The following ZNF662 variants were observed in gnomAD, a reference collection of about 807,000 sequenced individuals.
ZNF662 encodes zinc finger protein 662.
A neutral mutation model predicts 12.4 loss-of-function variants in ZNF662; 14 were observed. That is an observed-to-expected ratio of 1.13 (90% CI 0.75 to 1.77). The LOEUF (loss-of-function observed/expected upper bound fraction) is 1.77, where lower values mean the gene tolerates loss of function less well. Among genes scored for constraint, ZNF662 ranks in the 40% most tolerant of loss-of-function variants. The pLI is 0.00. For synonymous variants in ZNF662, 184 were observed against 176.4 expected, an observed-to-expected ratio of 1.04 and a Z score of -0.34; for missense variants, 550 against 515.6, an observed-to-expected ratio of 1.07 and a Z score of -0.65.
chr3:42,908,599 G>A lies in ZNF662; in HGVS notation c.35-194G>A, dbSNP rs577577711. Reference sequence around the variant, plus strand: ...TGCTGACTCAAACAGTTACTGAGTCGTCTGTCAACTTCCTGACCTTTGTAA... The same window carrying A: ...TGCTGACTCAAACAGTTACTGAGTCATCTGTCAACTTCCTGACCTTTGTAA... On this transcript the variant is annotated intron_variant, in intron 2 of 4. Coordinates refer to ENST00000440367, the MANE Select transcript of ZNF662 (RefSeq NM_207404.4). 6.1e-5 allele frequency: 87 copies of A among 1,426,446 alleles called. No individual in the cohort carries two copies. The South Asian group carries it at 8.1e-4, about 13-fold the overall frequency. 88.4% of individuals were successfully genotyped at this position (1,426,446 alleles called of 1,614,324 possible).
intron 3 of ZNF662, among the ~76,000 whole-genome samples, chr3:42,911,089 C>A (rs1475213942): frequency 3.9e-5 from 6 of 152,152 alleles, no homozygotes; most frequent in Admixed American, 2.6e-4. Flanking sequence ...CCTGGCAGGC[C>A]TTCCTTAGGC....
Position 42,917,958 on chromosome 3 carries a change from TAGCC to T in ZNF662, c.*2607_*2610del, listed in dbSNP as rs1427114345. On this transcript the variant is annotated 3_prime_UTR_variant, in exon 5 of 5. Transcript: ENST00000440367. ...CCCGTCTCTACTAAAAATACAAAATTAGCCAGGTGTGGTGGCACATGCCAGTAAT... is the reference window on the plus strand; with the variant it reads ...CCCGTCTCTACTAAAAATACAAAATTAGGTGTGGTGGCACATGCCAGTAAT... 6.6e-5 allele frequency among the ~76,000 whole-genome samples: 10 copies of T among 152,266 alleles called. No homozygotes were observed. Among genetic ancestry groups the T allele is most frequent in the Non-Finnish European group, 1.2e-4 (8 of 68,008 alleles).
rs150274385 is a variant in ZNF662 at position 42,913,763 on chromosome 3, G to A, written c.253+461G>A. Among the ~76,000 whole-genome samples, 69 of 152,274 alleles carry A rather than the reference G, an allele frequency of 4.5e-4. No individual in the cohort carries two copies. The East Asian group carries it at 7.9e-3, about 17-fold the overall frequency. On this transcript the variant is annotated intron_variant, in intron 4 of 4. Transcript: ENST00000440367. The stretch of plus-strand genomic sequence containing the variant: ...GAATAAGACACTATGAGAACAAAGA[G>A]GAGGGAGTCTTTTCCGAGTTCTGCC...
Position 42,919,012 on chromosome 3 carries a change from C to T in ZNF662, c.*3658C>T, listed in dbSNP as rs2088923291. Among the ~76,000 whole-genome samples, 1 of 152,148 alleles carries T rather than the reference C, an allele frequency of 6.6e-6. No homozygotes were observed. Among genetic ancestry groups the T allele is most frequent in the South Asian group, 2.1e-4 (1 of 4,832 alleles). On this transcript the variant is annotated 3_prime_UTR_variant, in exon 5 of 5. Coordinates refer to ENST00000440367, the MANE Select transcript of ZNF662 (RefSeq NM_207404.4). ...GGTCTTATTTTCCCAAAAAAGAAAC[C>T]TCCAGGTTATGGGCACCTTATTTAG...
At chr3:42,908,373 C>T in intron 2 of ZNF662, 1 of 1,340,954 alleles carries the variant, frequency 7.5e-7, no homozygotes, top group Non-Finnish European at 9.6e-7. Flanking sequence ...TGCCAAACCC[C>T]TACCCTTGTG....
intron 3 of ZNF662, among the ~76,000 whole-genome samples, chr3:42,912,920 T>G (rs796694925): frequency 1.2e-4 from 18 of 150,318 alleles, no homozygotes; most frequent in African/African-American, 3.9e-4. Context: ...TTTTTGTATT[T>G]TTAATGGAGA....
rs1306456653 is a variant in ZNF662, at chr3:42,908,894, A to C, written c.136A>C (p.Arg46=). The C allele has an allele frequency of 1.9e-6, 3 of 1,613,096 alleles. No homozygotes were observed. In the South Asian group the frequency reaches 3.3e-5, roughly 18 times the overall value. ...GGGAGCTCTGGATGGAGAGGCCCCA[A>C]GGGGCATCTCCTCAGGTGAGTGAGG... ...PRGALDGEAP[R]GISSGYPFLK... The change falls in exon 3 of 5, where the codon AGG becomes CGG. Residue 46 remains arginine (R), a synonymous_variant. Transcript: ENST00000440367.
chr3:42,906,145 C>A lies in ZNF662; in HGVS notation c.-117C>A. ...CAACCGGAGCGGCCCGAGCCCCGGCCTCCCGGATGCTGGGGCCTGGCGGGT... is the reference window on the plus strand; with the variant it reads ...CAACCGGAGCGGCCCGAGCCCCGGCATCCCGGATGCTGGGGCCTGGCGGGT... On this transcript the variant is annotated 5_prime_UTR_variant, in exon 1 of 5. Transcript: ENST00000440367. This position sits in a 1 kb window ranked among gnomAD's most constrained non-coding sequence, Gnocchi z 4.4. 1.9e-6 allele frequency: 1 copy of A among 524,018 alleles called. No individual in the cohort carries two copies. Among genetic ancestry groups the A allele is most frequent in the Non-Finnish European group, 3.3e-6 (1 of 302,716 alleles). The allele number at this position is 524,018 out of a possible 1,614,324, so 32.5% of individuals were successfully genotyped here.
intron 3 of ZNF662, among the ~76,000 whole-genome samples, chr3:42,912,734 T>TAAATATATATATATATTTTTTATATATAA (rs2088843355): frequency 8.5e-6 from 1 of 117,006 alleles, no homozygotes; most frequent in Non-Finnish European, 1.7e-5. Context: ...TTTATATATA[T>TAAATATATATATATATTTTTTATATATAA]AAATATATAT....
At position 42,913,306 on chromosome 3, in the gene ZNF662, A is replaced by G; in HGVS notation, c.253+4A>G. ...GGTCCAAGCCTGATTTGTCCGGGTA[A>G]GTGAGAGGGAAATGAGCATTCTTCT... On this transcript the variant is annotated splice_donor_region_variant and intron_variant, in intron 4 of 4. Coordinates refer to ENST00000440367, the MANE Select transcript of ZNF662 (RefSeq NM_207404.4). 6.2e-7 allele frequency: 1 copy of G among 1,607,094 alleles called. No homozygotes were observed. Among genetic ancestry groups the G allele is most frequent in the Non-Finnish European group, 8.5e-7 (1 of 1,173,808 alleles).
chr3:42,914,276 C>T (rs369077363), intron 4 of ZNF662, 51 bp from the exon 5 acceptor site: 136 of 1,476,302 alleles, frequency 9.2e-5, no homozygotes, highest in Middle Eastern at 2.2e-4. Context: ...TGACCTTAGT[C>T]GCTGTGTCAT....
chr3:42,914,946 T>TA lies in ZNF662; in HGVS notation c.874dup (p.Thr292AsnfsTer10), dbSNP rs1559382689. ...AGGGCTTTAGTCAGAACACAAGCCT[T>TA]ACGCAACATCAACGGATCCACACTG... On this transcript the variant is annotated frameshift_variant, in exon 5 of 5. Coordinates refer to ENST00000440367, the MANE Select transcript of ZNF662 (RefSeq NM_207404.4). LOFTEE classifies it low-confidence loss of function (END_TRUNC). 2 of 1,614,118 alleles carry TA rather than the reference T, an allele frequency of 1.2e-6. No individual in the cohort carries two copies. Among genetic ancestry groups the TA allele is most frequent in the East Asian group, 2.2e-5 (1 of 44,860 alleles).
chr3:42,913,435 T>A, intron 4 of ZNF662, 133 bp downstream of exon 4: 1 of 639,216 alleles, frequency 1.6e-6, no homozygotes, highest in Non-Finnish European at 2.7e-6. Context: ...ATCAACCAAT[T>A]AAGAGAAAAC....
chr3:42,914,235 G>T, intron 4 of ZNF662, 92 bp from the exon 5 acceptor site: 2 of 1,161,302 alleles, frequency 1.7e-6, no homozygotes, highest in Non-Finnish European at 1.2e-6. Flanking sequence ...GGTGGCACTT[G>T]GAGAGAAGTG....
At position 42,908,066 on chromosome 3, in the gene ZNF662, C is replaced by T. The variant is rs368089845; in HGVS notation, c.-49C>T. 92 of 1,614,062 alleles carry T rather than the reference C, an allele frequency of 5.7e-5. No individual in the cohort carries two copies. Among genetic ancestry groups the T allele is most frequent in the East Asian group, 8.9e-5 (4 of 44,878 alleles). ...ATGTGGCCGTCTACTTCTCTGAGAACGAATGGATCGGCCTGGGCCCTGCTC... is the reference window on the plus strand; with the variant it reads ...ATGTGGCCGTCTACTTCTCTGAGAATGAATGGATCGGCCTGGGCCCTGCTC... On this transcript the variant is annotated 5_prime_UTR_variant, in exon 2 of 5. In the 5' UTR this introduces an upstream ATG that the reference lacks. Coordinates refer to ENST00000440367, the MANE Select transcript of ZNF662 (RefSeq NM_207404.4).
chr3:42,908,607 A>G (rs1173263957), intron 2 of ZNF662, 186 bp from the exon 3 acceptor site: 2 of 1,440,406 alleles, frequency 1.4e-6, no homozygotes, highest in African/African-American at 1.4e-5. Context: ...TCGTCTGTCA[A>G]CTTCCTGACC....
rs77512145 is a variant in ZNF662 at position 42,918,033 on chromosome 3, G to C, written c.*2679G>C. Among the ~76,000 whole-genome samples the C allele has an allele frequency of 1.5e-3, 231 of 152,374 alleles. 3 individuals carry two copies. In the East Asian group the frequency reaches 0.032, roughly 21 times the overall value. ...AGGCAGGAGAATTGCTTGAATCTGG[G>C]AGGTGGAGGTTGCAGTGAGCCGAGA... On this transcript the variant is annotated 3_prime_UTR_variant, in exon 5 of 5. Coordinates refer to ENST00000440367, the MANE Select transcript of ZNF662 (RefSeq NM_207404.4).
Position 42,913,270 on chromosome 3 carries a change from T to C in ZNF662, c.221T>C (p.Leu74Pro), listed in dbSNP as rs1403963225. 6.2e-7 allele frequency: 1 copy of C among 1,613,918 alleles called. No individual in the cohort carries two copies. The highest frequency in any genetic ancestry group is 8.5e-7 in the Non-Finnish European group (1 of 1,179,950). ...EQVEEPLNLKLQGEGPSLICP... is the reference protein window; with the variant it reads ...EQVEEPLNLKPQGEGPSLICP... Reference sequence around the variant, plus strand: ...GTGGAAGAGCCATTAAACCTGAAACTGCAAGGAGAGGGTCCAAGCCTGATT... The same window carrying C: ...GTGGAAGAGCCATTAAACCTGAAACCGCAAGGAGAGGGTCCAAGCCTGATT... The change falls in exon 4 of 5, where the codon CTG becomes CCG. Residue 74 changes from leucine to proline, a missense_variant. Coordinates refer to ENST00000440367, the MANE Select transcript of ZNF662 (RefSeq NM_207404.4).
At chr3:42,907,895 T>A in intron 1 of ZNF662, 127 bp from the exon 2 acceptor site, 1 of 1,430,748 alleles carries the variant, frequency 7.0e-7, no homozygotes, top group Non-Finnish European at 9.2e-7. Context: ...CTGATAGAGT[T>A]CCTGTAGACA....
Sources: allele counts gnomAD v4.1 joint callset (sites outside exome capture counted in the v4.1 genomes callset), GRCh38; gene constraint gnomAD v4.1.1; non-coding constraint Gnocchi (gnomAD v3.1); transcripts MANE v1.5; gene names NCBI Gene and HGNC (gene_info 2026-07-23, HGNC 2026-07-21).